ANK3: variants seen among roughly 807,000 people sequenced by gnomAD.
The protein encoded by ANK3 is ankyrin 3.
A neutral mutation model predicts 370.9 loss-of-function variants in ANK3; 57 were observed. That is an observed-to-expected ratio of 0.15 (90% confidence interval 0.12 to 0.19). The LOEUF (loss-of-function observed/expected upper bound fraction) is 0.19, where lower values mean the gene tolerates loss of function less well. Among genes scored for constraint, ANK3 ranks in the 10% least tolerant of loss-of-function variants. ANK3 has a pLI of 1.00. For synonymous variants in ANK3, 1,929 were observed against 1,946.3 expected, an observed-to-expected ratio of 0.99 and a Z score of 0.23; for missense variants, 4,439 against 5,302.1, an observed-to-expected ratio of 0.84 and a Z score of 5.06.
At chr10:60,472,213 CA>C (rs1241203759) in intron 2 of ANK3, among the ~76,000 whole-genome samples, 2 of 152,164 alleles carry the variant, frequency 1.3e-5, no homozygotes, top group African/African-American at 4.8e-5. Flanking sequence ...AGCACCACTG[CA>C]ATCCTCTTTG....
intron 13 of ANK3, 109 bp downstream of exon 13, chr10:60,200,020 T>C: frequency 1.3e-6 from 1 of 772,842 alleles, no homozygotes; most frequent in East Asian, 2.7e-5. Context: ...TGGAGGTTTT[T>C]CAATATTTTT....
Position 60,389,698 on chromosome 10 carries a change from C to G in ANK3, c.-160G>C. On this transcript the variant is annotated 5_prime_UTR_variant, in exon 1 of 44. Coordinates refer to ENST00000280772, the MANE Select transcript of ANK3 (RefSeq NM_020987.5). ...TCACAATGCAAAGATGCTGGAGAAG[C>G]TGAAGCTTTTAAAAACCCAAATGAT... is the stretch of plus-strand genomic sequence containing the variant. 1 of 1,445,172 alleles carries G rather than the reference C, an allele frequency of 6.9e-7. No homozygotes were observed. The allele number at this position is 1,445,172 out of a possible 1,614,324, so 89.5% of individuals were successfully genotyped here. A position where few individuals can be genotyped will look rare whatever the true frequency, so the allele number is the denominator to read the frequency against.
At chr10:60,203,220 A>C in intron 11 of ANK3, 120 bp from the exon 12 acceptor site, 1 of 587,612 alleles carries the variant, frequency 1.7e-6, no homozygotes, top group Non-Finnish European at 3.0e-6. Context: ...GGATTAGAAG[A>C]CATCAGGACA....
At chr10:60,556,905 G>A (rs1001538200) in intron 2 of ANK3, among the ~76,000 whole-genome samples, 5 of 152,156 alleles carry the variant, frequency 3.3e-5, no homozygotes, top group Admixed American at 2.6e-4. Flanking sequence ...GATCAGCTGC[G>A]GCATTAGATT....
chr10:60,611,895 G>A (rs2133318638), intron 2 of ANK3, among the ~76,000 whole-genome samples: 1 of 151,356 alleles, frequency 6.6e-6, no homozygotes, highest in Non-Finnish European at 1.5e-5. Context: ...GTGGAGAAGT[G>A]GGGCGAAGAA....
At chr10:60,525,571 A>G (rs2076449594) in intron 2 of ANK3, among the ~76,000 whole-genome samples, 2 of 152,140 alleles carry the variant, frequency 1.3e-5, no homozygotes, top group South Asian at 4.1e-4. Context: ...TACCAAGGAA[A>G]TAAGAGACGT....
intron 1 of ANK3, among the ~76,000 whole-genome samples, chr10:60,286,360 G>A (rs1429035199): frequency 1.3e-5 from 2 of 152,038 alleles, no homozygotes; most frequent in Non-Finnish European, 2.9e-5. Flanking sequence ...GTATCATTCT[G>A]TCTTTTTTTG....
At chr10:60,136,541 T>C (rs2094353768) in intron 24 of ANK3, among the ~76,000 whole-genome samples, 1 of 152,160 alleles carries the variant, frequency 6.6e-6, no homozygotes, top group African/African-American at 2.4e-5. Context: ...CACTTAAAAG[T>C]TTTAAAAAAT....
intron 16 of ANK3, among the ~76,000 whole-genome samples, chr10:60,191,529 T>C (rs934709549): frequency 6.6e-6 from 1 of 152,146 alleles, no homozygotes; most frequent in Non-Finnish European, 1.5e-5. Flanking sequence ...CACAATTAGA[T>C]ACCATCTCAC....
chr10:60,548,333 T>G (rs1385662445), intron 2 of ANK3, among the ~76,000 whole-genome samples: 1 of 148,466 alleles, frequency 6.7e-6, no homozygotes, highest in Non-Finnish European at 1.5e-5. Context: ...CACCTCAGCC[T>G]TCCCAGTGGC....
intron 1 of ANK3, among the ~76,000 whole-genome samples, chr10:60,320,342 C>T (rs2048357261): frequency 6.6e-6 from 1 of 152,150 alleles, no homozygotes; most frequent in Non-Finnish European, 1.5e-5. Context: ...GCCTCTAATC[C>T]CAGCATTTTG....
At chr10:60,547,458 C>A (rs1363305261) in intron 2 of ANK3, among the ~76,000 whole-genome samples, 1 of 148,164 alleles carries the variant, frequency 6.7e-6, no homozygotes, top group African/African-American at 2.5e-5. Flanking sequence ...TGGAGTGGCG[C>A]GATCTCGGCT....
At chr10:60,037,252 GT>G (rs1008006439) in intron 43 of ANK3, among the ~76,000 whole-genome samples, 5 of 152,058 alleles carry the variant, frequency 3.3e-5, no homozygotes, top group Middle Eastern at 3.4e-3. Flanking sequence ...GTGCTCTTGT[GT>G]TTTTTTTAAA....
intron 8 of ANK3, among the ~76,000 whole-genome samples, chr10:60,223,201 T>C (rs929488225): frequency 9.9e-5 from 15 of 152,230 alleles, no homozygotes; most frequent in Non-Finnish European, 1.6e-4. Context: ...CTTATCAATC[T>C]GACCTGCCTT....
At chr10:60,508,214 A>G (rs2075988299) in intron 2 of ANK3, 1 of 152,332 alleles carries the variant, frequency 6.6e-6, no homozygotes, top group Non-Finnish European at 1.5e-5. Flanking sequence ...CAGATGTGAA[A>G]TGCAATGTGC....
chr10:60,638,987 C>A (rs2078592927), intron 1 of ANK3, among the ~76,000 whole-genome samples: 1 of 151,738 alleles, frequency 6.6e-6, no homozygotes, highest in Non-Finnish European at 1.5e-5. Flanking sequence ...GAAAATTTTC[C>A]AAATTTGATA....
At chr10:60,279,328 G>A (rs993185428) in intron 2 of ANK3, among the ~76,000 whole-genome samples, 180 bp from the exon 3 acceptor site, 3 of 152,146 alleles carry the variant, frequency 2.0e-5, no homozygotes, top group Non-Finnish European at 4.4e-5. Flanking sequence ...GGGTTGTTCT[G>A]TTATCATTAT....
intron 2 of ANK3, among the ~76,000 whole-genome samples, chr10:60,402,706 GC>G (rs1421073874): frequency 6.6e-6 from 1 of 152,162 alleles, no homozygotes; most frequent in Non-Finnish European, 1.5e-5. Context: ...ATGTCAAAAA[GC>G]CTGGGTTAGC....
chr10:60,572,278 T>C (rs1417662514), intron 2 of ANK3, among the ~76,000 whole-genome samples: 2 of 152,174 alleles, frequency 1.3e-5, no homozygotes, highest in African/African-American at 4.8e-5. Context: ...TAGCAGTGTA[T>C]CCGAGTTGTG....
Sources: gnomAD v4.1 joint callset for allele counts (sites outside exome capture counted in the v4.1 genomes callset) on GRCh38, gnomAD v4.1.1 for gene constraint, MANE v1.5 for transcripts, NCBI Gene and HGNC (gene_info 2026-07-23, HGNC 2026-07-21) for gene names.